The following PLEKHH2 variants were observed in gnomAD, a reference collection of about 807,000 sequenced individuals.
PLEKHH2 encodes pleckstrin homology domain-containing family H member 2.
In PLEKHH2, 129 loss-of-function variants were observed where a neutral mutation model predicts 187.9. The ratio of observed to expected loss-of-function variants is 0.69; its 90% confidence interval spans 0.59 to 0.79. The LOEUF is 0.79. Ranked by LOEUF, PLEKHH2 falls within the 30% of genes least tolerant of loss-of-function variation. The pLI, the probability that PLEKHH2 is intolerant of heterozygous loss-of-function variation, is 0.00. For missense variants in PLEKHH2, 2,076 were observed against 1,751.2 expected, an observed-to-expected ratio of 1.19 and a Z score of -3.31; for synonymous variants, 686 against 605.6, an observed-to-expected ratio of 1.13 and a Z score of -1.95.
intron 2 of PLEKHH2, among the ~76,000 whole-genome samples, chr2:43,652,076 G>A (rs1188524607): frequency 6.6e-6 from 1 of 152,184 alleles, no homozygotes; most frequent in Non-Finnish European, 1.5e-5. Context: ...GAGAGGGTGG[G>A]AGAGTATCTG....
intron 18 of PLEKHH2, among the ~76,000 whole-genome samples, chr2:43,731,249 C>A (rs975068841): frequency 2.0e-5 from 3 of 151,940 alleles, no homozygotes; most frequent in African/African-American, 7.3e-5. Flanking sequence ...CCACCTATTC[C>A]CCAAAAACCT....
chr2:43,709,923 C>A, intron 11 of PLEKHH2, 67 bp from the exon 12 acceptor site: 1 of 1,432,286 alleles, frequency 7.0e-7, no homozygotes, highest in East Asian at 2.3e-5. Context: ...TGTAGGAGCA[C>A]TCAGAGCTGG....
chr2:43,687,525 T>G (rs531401336), intron 3 of PLEKHH2, among the ~76,000 whole-genome samples: 16 of 152,372 alleles, frequency 1.1e-4, no homozygotes, highest in African/African-American at 3.4e-4. Flanking sequence ...ACTGGATTGC[T>G]GGGTCAAATG....
intron 2 of PLEKHH2, among the ~76,000 whole-genome samples, chr2:43,677,168 AG>A (rs1468359400): frequency 1.3e-5 from 2 of 151,876 alleles, no homozygotes; most frequent in Admixed American, 6.6e-5. Context: ...CCAGTGAACT[AG>A]TTTAAAATAT....
At chr2:43,713,635 A>T (rs1443381491) in intron 15 of PLEKHH2, among the ~76,000 whole-genome samples, 1 of 147,992 alleles carries the variant, frequency 6.8e-6, no homozygotes, top group Non-Finnish European at 1.5e-5. Context: ...TATCTCTGTG[A>T]TTTTATTTAT....
chr2:43,733,084 C>T (rs772532459), intron 19 of PLEKHH2, among the ~76,000 whole-genome samples: 1 of 152,116 alleles, frequency 6.6e-6, no homozygotes. Flanking sequence ...CCCTTGCAGC[C>T]GGGCGCAGTG....
At chr2:43,638,842 G>A (rs1211183138) in intron 1 of PLEKHH2, among the ~76,000 whole-genome samples, 1 of 152,186 alleles carries the variant, frequency 6.6e-6, no homozygotes, top group African/African-American at 2.4e-5. Context: ...AGAATGAAAT[G>A]AGGGAATCAG....
chr2:43,722,559 C>T (rs1670531494), intron 16 of PLEKHH2, among the ~76,000 whole-genome samples: 1 of 152,158 alleles, frequency 6.6e-6, no homozygotes, highest in Non-Finnish European at 1.5e-5. Flanking sequence ...GATTCTCTCA[C>T]AGGAAACTCT....
rs530810139 is a variant in PLEKHH2, at chr2:43,720,891, G to GA, written c.2541+146dup. The GA allele has an allele frequency of 1.1e-4, 147 of 1,290,526 alleles. No homozygotes were observed. The African/African-American group carries it at 1.9e-3, about 17-fold the overall frequency. The allele number at this position is 1,290,526 out of a possible 1,614,324, so 79.9% of individuals were successfully genotyped here. On this transcript the variant is annotated intron_variant, in intron 16 of 29. Transcript: ENST00000282406. The stretch of plus-strand genomic sequence containing the variant: ...ATTTGGTATAATTTGGTGCAACTGA[G>GA]AAAATCACACAAAGGTCTATCACCT...
chr2:43,652,656 C>G (rs116749092), intron 2 of PLEKHH2, among the ~76,000 whole-genome samples: 131 of 152,324 alleles, frequency 8.6e-4, no homozygotes, highest in African/African-American at 3.0e-3. Flanking sequence ...GTTAGGTTTT[C>G]TGGTTAACAA....
In PLEKHH2 at chr2:43,731,620, TG is replaced by T; in HGVS notation, c.2943+19del. 1 of 1,427,864 alleles carries T rather than the reference TG, an allele frequency of 7.0e-7. No individual in the cohort carries two copies. Among genetic ancestry groups the T allele is most frequent in the East Asian group, 2.4e-5 (1 of 42,532 alleles). 88.4% of individuals were successfully genotyped at this position (1,427,864 alleles called of 1,614,324 possible). Reference sequence around the variant, plus strand: ...TATTTAAGGTAAAATATTTATATGTTGTTAAATGATTTAAGGTAAAATACTT... The same window carrying T: ...TATTTAAGGTAAAATATTTATATGTTTTAAATGATTTAAGGTAAAATACTT... On this transcript the variant is annotated intron_variant, in intron 19 of 29. Transcript: ENST00000282406.
At chr2:43,717,539 G>T (rs1670272460) in intron 15 of PLEKHH2, among the ~76,000 whole-genome samples, 1 of 152,198 alleles carries the variant, frequency 6.6e-6, no homozygotes, top group South Asian at 2.1e-4. Flanking sequence ...GTAAATTGCA[G>T]AAGTGGAGCA....
At chr2:43,742,996 C>T in intron 22 of PLEKHH2, 78 bp downstream of exon 22, 1 of 1,181,838 alleles carries the variant, frequency 8.5e-7, no homozygotes. Context: ...GACTTCTCTG[C>T]TTACTTTTGT....
At chr2:43,724,109 G>C (rs987632335) in intron 16 of PLEKHH2, among the ~76,000 whole-genome samples, 1 of 141,078 alleles carries the variant, frequency 7.1e-6, no homozygotes, top group African/African-American at 2.7e-5. Flanking sequence ...GGGAAGACTG[G>C]GCAGAGCAGG....
At chr2:43,682,902 C>A (rs13030084) in intron 3 of PLEKHH2, among the ~76,000 whole-genome samples, 88,861 of 151,758 alleles carry the variant, frequency 0.59, 26,620 homozygotes, top group African/African-American at 0.67. Context: ...ATGTGTCATG[C>A]TTTATTCCTC....
intron 3 of PLEKHH2, chr2:43,681,748 T>A: frequency 2.1e-6 from 1 of 465,798 alleles, no homozygotes; most frequent in Non-Finnish European, 3.8e-6. Flanking sequence ...CCCATTCAGT[T>A]TCGGGTCTGA....
intron 3 of PLEKHH2, among the ~76,000 whole-genome samples, chr2:43,680,308 G>T (rs142728085): frequency 6.6e-6 from 1 of 152,122 alleles, no homozygotes; most frequent in Non-Finnish European, 1.5e-5. Context: ...AATAGTAAAT[G>T]TTTGAGGTGC....
chr2:43,696,074 G>T (rs1229481650), intron 6 of PLEKHH2, among the ~76,000 whole-genome samples: 2 of 152,166 alleles, frequency 1.3e-5, no homozygotes, highest in Non-Finnish European at 2.9e-5. Context: ...AATCCAGTCA[G>T]TTAGGAGAAT....
chr2:43,750,301 G>A (rs546818632), intron 24 of PLEKHH2, among the ~76,000 whole-genome samples: 3 of 152,234 alleles, frequency 2.0e-5, no homozygotes, highest in South Asian at 2.1e-4. Context: ...GTGAAACCCC[G>A]TCTCTACTAA....
Sources: allele counts gnomAD v4.1 joint callset (sites outside exome capture counted in the v4.1 genomes callset), GRCh38; gene constraint gnomAD v4.1.1; transcripts MANE v1.5; gene names NCBI Gene and HGNC (gene_info 2026-07-23, HGNC 2026-07-21).